Variants in UVRAG observed in about 807,000 individuals in gnomAD.
The protein encoded by UVRAG is UV radiation resistance-associated gene protein.
Under a neutral mutation model 78.0 loss-of-function variants are expected in UVRAG, and 19 were observed. The observed-to-expected ratio is 0.24, with a 90% CI of 0.17 to 0.36. The LOEUF is 0.36. Ranked by LOEUF, UVRAG falls within the 10% of genes least tolerant of loss-of-function variation. The probability of loss-of-function intolerance (pLI) is 1.00; values close to 1 mark genes in which losing one functional copy is unlikely to be tolerated. For synonymous variants in UVRAG, 323 were observed against 324.6 expected (o/e 1.00, Z 0.05); for missense variants, 740 against 853.8 (o/e 0.87, Z 1.66).
At chr11:76,032,702 C>T (rs1214990589) in intron 12 of UVRAG, among the ~76,000 whole-genome samples, 1 of 152,126 alleles carries the variant, frequency 6.6e-6, no homozygotes, top group Non-Finnish European at 1.5e-5. Context: ...GATGAGATGG[C>T]CCCTAAGCAT....
In UVRAG at chr11:75,959,177, C is replaced by T. The variant is rs575201448; in HGVS notation, c.594-2267C>T. ...ACTTAAAATCAGCAGCTGCATTAAC[C>T]CCTAGTAAAAGAGTCAGTCTGTCCT... On this transcript the variant is annotated intron_variant, in intron 6 of 14. Transcript: ENST00000356136. Among the ~76,000 whole-genome samples, 85 of 152,248 alleles carry T rather than the reference C, an allele frequency of 5.6e-4. 1 individual carries two copies. Among genetic ancestry groups the T allele is most frequent in the African/African-American group, 2.4e-4 (10 of 41,550 alleles).
chr11:75,870,940 G>C (rs1946634333), intron 3 of UVRAG, among the ~76,000 whole-genome samples: 1 of 151,912 alleles, frequency 6.6e-6, no homozygotes, highest in African/African-American at 2.4e-5. Context: ...CGCGATCCCG[G>C]CTCACTGCAA....
In UVRAG at chr11:75,837,241, C is replaced by T. The variant is rs561930516; in HGVS notation, c.118-14642C>T. Reference sequence around the variant, plus strand: ...ACTCAGGAGGCTGAGGCAGGAGAATCGTGTGACCTCGGGAGTCAGAGCTTG... The same window carrying T: ...ACTCAGGAGGCTGAGGCAGGAGAATTGTGTGACCTCGGGAGTCAGAGCTTG... On this transcript the variant is annotated intron_variant, in intron 1 of 14. Transcript: ENST00000356136. 5.4e-5 allele frequency among the ~76,000 whole-genome samples: 8 copies of T among 149,138 alleles called. No individual in the cohort carries two copies. The East Asian group carries it at 6.0e-4, about 11-fold the overall frequency.
intron 2 of UVRAG, among the ~76,000 whole-genome samples, chr11:75,861,380 T>C (rs564391916): frequency 6.6e-6 from 1 of 152,294 alleles, no homozygotes; most frequent in East Asian, 1.9e-4. Flanking sequence ...TGGGTAATCA[T>C]TCGAGATGTT....
chr11:75,961,644 G>A lies in UVRAG; in HGVS notation c.699+95G>A, dbSNP rs1948913488. 14 of 897,464 alleles carry A rather than the reference G, an allele frequency of 1.6e-5. 1 individual carries two copies. In the South Asian group the frequency reaches 1.7e-4, roughly 11 times the overall value. 55.6% of individuals were successfully genotyped at this position (897,464 alleles called of 1,614,324 possible). On this transcript the variant is annotated intron_variant, in intron 7 of 14. Coordinates refer to ENST00000356136, the MANE Select transcript of UVRAG (RefSeq NM_003369.4). ...TTAATTTTAAAAAACGCTTTAGATC[G>A]TTTTTATCTTCTTAATTGTCCACAG...
intron 6 of UVRAG, among the ~76,000 whole-genome samples, chr11:75,956,388 C>CTTTTTT (rs1319171839): frequency 3.1e-5 from 4 of 128,772 alleles, no homozygotes; most frequent in Middle Eastern, 3.9e-3. Flanking sequence ...CAATTCTTGC[C>CTTTTTT]TTTTTTTTTT....
intron 12 of UVRAG, among the ~76,000 whole-genome samples, chr11:76,047,345 G>C (rs1180759347): frequency 6.6e-6 from 1 of 152,210 alleles, no homozygotes; most frequent in African/African-American, 2.4e-5. Context: ...TAGGAAAGAA[G>C]TCTGGTGGAG....
At position 75,990,419 on chromosome 11, in the gene UVRAG, TATG is replaced by T. The variant is rs572519353; in HGVS notation, c.826+6912_826+6914del. ...TTTTGTGTAGCAAGAATATGTATAA[TATG>T]ATGATCAGATGAGTTATGAAGATGA... On this transcript the variant is annotated intron_variant, in intron 8 of 14. Coordinates refer to ENST00000356136, the MANE Select transcript of UVRAG (RefSeq NM_003369.4). Among the ~76,000 whole-genome samples, 9 of 152,330 alleles carry T rather than the reference TATG, an allele frequency of 5.9e-5. No homozygotes were observed. In the South Asian group the frequency reaches 1.5e-3, roughly 25 times the overall value.
intron 1 of UVRAG, among the ~76,000 whole-genome samples, chr11:75,834,037 A>G (rs914738122): frequency 7.2e-5 from 11 of 152,212 alleles, no homozygotes. Context: ...CCTGTTCCCA[A>G]CAGTTATCAA....
chr11:75,864,075 T>G (rs769911619), intron 3 of UVRAG, among the ~76,000 whole-genome samples: 147 of 151,610 alleles, frequency 9.7e-4, no homozygotes, highest in South Asian at 2.3e-3. Flanking sequence ...TTTTTTTTTT[T>G]GAGACAGGGT....
chr11:76,030,224 G>C (rs897738600), intron 12 of UVRAG, among the ~76,000 whole-genome samples: 1 of 151,572 alleles, frequency 6.6e-6, no homozygotes, highest in Non-Finnish European at 1.5e-5. Flanking sequence ...GTAGAGAAAG[G>C]GTGCCGCTAT....
intron 1 of UVRAG, among the ~76,000 whole-genome samples, chr11:75,816,087 T>C (rs927968406): frequency 6.6e-6 from 1 of 152,218 alleles, no homozygotes; most frequent in Non-Finnish European, 1.5e-5. Flanking sequence ...ACTTGGGGGT[T>C]TCCTTCCTAA....
In UVRAG at chr11:75,930,801, G is replaced by A. The variant is rs990648948; in HGVS notation, c.593+18762G>A. 5 of 152,212 alleles carry A rather than the reference G, an allele frequency of 3.3e-5. No individual in the cohort carries two copies. The East Asian group carries it at 9.6e-4, about 29-fold the overall frequency. The allele number at this position is 152,212 out of a possible 1,614,324, so 9.4% of individuals were successfully genotyped here. ...ATAAATAAATTCACCACTCTGAAAAGTATTCTGACAAGGCACGGCATGTGT... is the reference window on the plus strand; with the variant it reads ...ATAAATAAATTCACCACTCTGAAAAATATTCTGACAAGGCACGGCATGTGT... On this transcript the variant is annotated intron_variant, in intron 6 of 14. Transcript: ENST00000356136.
chr11:75,885,344 TAAC>T (rs1482000009), intron 4 of UVRAG, among the ~76,000 whole-genome samples: 1 of 152,126 alleles, frequency 6.6e-6, no homozygotes, highest in Non-Finnish European at 1.5e-5. Flanking sequence ...TTTGTATTAA[TAAC>T]AACAACAATT....
chr11:75,878,642 C>T (rs962942786), intron 3 of UVRAG, among the ~76,000 whole-genome samples: 1 of 152,212 alleles, frequency 6.6e-6, no homozygotes. Flanking sequence ...GCGGATCACT[C>T]GCGGTTAGGA....
intron 8 of UVRAG, among the ~76,000 whole-genome samples, chr11:75,998,147 A>G (rs954412863): frequency 6.6e-5 from 10 of 152,220 alleles, no homozygotes; most frequent in South Asian, 4.1e-4. Context: ...CTCCCAGCAT[A>G]TATACCCAGA....
At chr11:75,883,008 G>A (rs1451625401) in intron 4 of UVRAG, among the ~76,000 whole-genome samples, 7 of 152,072 alleles carry the variant, frequency 4.6e-5, no homozygotes, top group South Asian at 2.1e-4. Context: ...GGTACTTGTT[G>A]CCTTTAGACT....
In UVRAG at chr11:75,999,051, G is replaced by C. The variant is rs528493206; in HGVS notation, c.827-4954G>C. On this transcript the variant is annotated intron_variant, in intron 8 of 14. Transcript: ENST00000356136. Reference sequence around the variant, plus strand: ...AGTTCAAGACCAGCCTGGCCAACATGGTGAAACCCCATTTCTACTAAAAAT... The same window carrying C: ...AGTTCAAGACCAGCCTGGCCAACATCGTGAAACCCCATTTCTACTAAAAAT... Among the ~76,000 whole-genome samples, 69 of 152,128 alleles carry C rather than the reference G, an allele frequency of 4.5e-4. 1 individual carries two copies. Among genetic ancestry groups the C allele is most frequent in the Admixed American group, 9.2e-4 (14 of 15,272 alleles).
chr11:75,972,639 A>T (rs1949147196), intron 7 of UVRAG, among the ~76,000 whole-genome samples: 1 of 152,052 alleles, frequency 6.6e-6, no homozygotes, highest in Non-Finnish European at 1.5e-5. Flanking sequence ...TACCCATACC[A>T]CCCTGTCTTG....
Sources: gnomAD v4.1 joint callset for allele counts (sites outside exome capture counted in the v4.1 genomes callset) on GRCh38, gnomAD v4.1.1 for gene constraint, MANE v1.5 for transcripts, NCBI Gene and HGNC (gene_info 2026-07-23, HGNC 2026-07-21) for gene names.